Variants in ZNF804B observed in about 807,000 individuals in gnomAD.
ZNF804B encodes the protein zinc finger 804B.
A neutral mutation model predicts 101.4 loss-of-function variants in ZNF804B; 80 were observed. The ratio of observed to expected loss-of-function variants is 0.79; its 90% CI spans 0.66 to 0.95. The LOEUF is 0.95. Among genes scored for constraint, ZNF804B ranks in the 40% least tolerant of loss-of-function variants. The pLI is 0.00. For synonymous variants in ZNF804B, 622 were observed against 558.8 expected (o/e 1.11, Z -1.59); for missense variants, 1,673 against 1,561.9 (o/e 1.07, Z -1.20).
rs147363581 is a variant in ZNF804B at position 88,803,157 on chromosome 7, G to GA, written c.108+43082dup. On this transcript the variant is annotated intron_variant, in intron 1 of 3. Coordinates refer to ENST00000333190, the MANE Select transcript of ZNF804B (RefSeq NM_181646.5). Reference sequence around the variant, plus strand: ...AAGTGTGTCTATGTTATTATGTTCAGAAAAAAAAACGTTAAAAAATAAGGC... The same window carrying GA: ...AAGTGTGTCTATGTTATTATGTTCAGAAAAAAAAAACGTTAAAAAATAAGGC... Among the ~76,000 whole-genome samples, 438 of 149,502 alleles carry GA rather than the reference G, an allele frequency of 2.9e-3. 2 individuals are homozygous for GA. The highest frequency in any genetic ancestry group is 8.0e-3 in the African/African-American group (326 of 40,762).
chr7:89,222,730 T>C (rs1257934415), intron 2 of ZNF804B, among the ~76,000 whole-genome samples: 1 of 151,928 alleles, frequency 6.6e-6, no homozygotes, highest in African/African-American at 2.4e-5. Flanking sequence ...ATGCAGAAAT[T>C]GACAACTTAT....
intron 1 of ZNF804B, among the ~76,000 whole-genome samples, chr7:89,124,247 G>T (rs1366886921): frequency 6.6e-6 from 1 of 152,000 alleles, no homozygotes; most frequent in Non-Finnish European, 1.5e-5. Context: ...TCTTGAAAAA[G>T]ATTCAAAGCC....
chr7:88,904,998 G>A (rs1476985787), intron 1 of ZNF804B, among the ~76,000 whole-genome samples: 2 of 152,316 alleles, frequency 1.3e-5, no homozygotes, highest in Admixed American at 6.5e-5. Flanking sequence ...AATAGGAGTG[G>A]TGAGAGTAGG....
In ZNF804B at chr7:88,951,346, G is replaced by A. The variant is rs1793215640; in HGVS notation, c.108+191262G>A. On this transcript the variant is annotated intron_variant, in intron 1 of 3. Transcript: ENST00000333190. Reference sequence around the variant, plus strand: ...ATTTTGTATTAATATAGAACCATTGGTCAGTAATTATGCTGAATATGATTT... The same window carrying A: ...ATTTTGTATTAATATAGAACCATTGATCAGTAATTATGCTGAATATGATTT... Among the ~76,000 whole-genome samples the A allele has an allele frequency of 2.6e-5, 4 of 151,662 alleles. No individual in the cohort carries two copies. In the South Asian group the frequency reaches 8.3e-4, roughly 31 times the overall value.
At chr7:88,809,339 CT>C in intron 1 of ZNF804B, among the ~76,000 whole-genome samples, 1 of 147,708 alleles carries the variant, frequency 6.8e-6, no homozygotes, top group African/African-American at 2.5e-5. Flanking sequence ...ATCTATCTAT[CT>C]ATCTATCTAT....
At chr7:89,050,785 A>G (rs999298794) in intron 1 of ZNF804B, among the ~76,000 whole-genome samples, 1 of 152,144 alleles carries the variant, frequency 6.6e-6, no homozygotes, top group African/African-American at 2.4e-5. Flanking sequence ...GATAGAGATG[A>G]ACAGAGAAAA....
chr7:89,222,409 C>A (rs1343525396), intron 2 of ZNF804B, among the ~76,000 whole-genome samples: 5 of 151,930 alleles, frequency 3.3e-5, no homozygotes, highest in African/African-American at 1.2e-4. Flanking sequence ...CCACACCAAT[C>A]CATCCACTTA....
At chr7:89,035,916 TATATAATATATTA>T (rs1159763046) in intron 1 of ZNF804B, among the ~76,000 whole-genome samples, 2 of 145,082 alleles carry the variant, frequency 1.4e-5, no homozygotes, top group Non-Finnish European at 3.0e-5. Context: ...TTATATATTA[TATATAATATATTA>T]ATATATTATA....
At chr7:88,960,761 GA>G (rs1793376376) in intron 1 of ZNF804B, among the ~76,000 whole-genome samples, 1 of 151,158 alleles carries the variant, frequency 6.6e-6, no homozygotes, top group South Asian at 2.1e-4. Flanking sequence ...ATGTTTTGTT[GA>G]AAAATTACTT....
At chr7:89,181,545 G>A (rs13223734) in intron 1 of ZNF804B, among the ~76,000 whole-genome samples, 24,712 of 152,064 alleles carry the variant, frequency 0.16, 2,221 homozygotes, top group Middle Eastern at 0.28. Flanking sequence ...TTATTTCTTC[G>A]TGCCATGCAG....
intron 2 of ZNF804B, among the ~76,000 whole-genome samples, chr7:89,322,094 A>C (rs991002057): frequency 6.6e-6 from 1 of 152,182 alleles, no homozygotes; most frequent in Non-Finnish European, 1.5e-5. Context: ...GGAACTATGG[A>C]CCAATCACAA....
intron 1 of ZNF804B, among the ~76,000 whole-genome samples, chr7:89,178,772 T>A (rs1324507910): frequency 6.6e-6 from 1 of 152,132 alleles, no homozygotes; most frequent in Non-Finnish European, 1.5e-5. Context: ...CTTTTTGCAT[T>A]TAAAAGATTT....
chr7:89,158,103 G>A (rs761327676), intron 1 of ZNF804B, among the ~76,000 whole-genome samples: 3 of 151,936 alleles, frequency 2.0e-5, no homozygotes, highest in African/African-American at 7.3e-5. Flanking sequence ...TTAAATTGGG[G>A]CTTAACAAAA....
intron 1 of ZNF804B, among the ~76,000 whole-genome samples, chr7:89,215,157 G>A (rs1788871003): frequency 1.3e-5 from 2 of 152,148 alleles, no homozygotes; most frequent in South Asian, 4.1e-4. Context: ...AGAAAGATAA[G>A]AATATCTGCA....
chr7:88,850,419 A>G (rs1266525519), intron 1 of ZNF804B, among the ~76,000 whole-genome samples: 2 of 152,174 alleles, frequency 1.3e-5, no homozygotes, highest in African/African-American at 4.8e-5. Flanking sequence ...TCCCGTGATT[A>G]TTCAGTAGAG....
intron 1 of ZNF804B, among the ~76,000 whole-genome samples, chr7:88,937,719 A>C (rs1199275289): frequency 6.6e-6 from 1 of 152,092 alleles, no homozygotes; most frequent in Non-Finnish European, 1.5e-5. Context: ...GTGGCAAACA[A>C]TGTTTTCAGA....
intron 1 of ZNF804B, among the ~76,000 whole-genome samples, chr7:88,764,860 C>T (rs1433060371): frequency 6.6e-6 from 1 of 152,110 alleles, no homozygotes; most frequent in African/African-American, 2.4e-5. Context: ...TTCATGAATG[C>T]ATAATACTAC....
chr7:88,789,280 A>G (rs2115678934), intron 1 of ZNF804B, among the ~76,000 whole-genome samples: 1 of 152,256 alleles, frequency 6.6e-6, no homozygotes, highest in South Asian at 2.1e-4. Flanking sequence ...TTCTAAACTA[A>G]TGAGAAAAAG....
chr7:88,945,634 A>G (rs11978498), intron 1 of ZNF804B, among the ~76,000 whole-genome samples: 15,581 of 148,630 alleles, frequency 0.1, 870 homozygotes, highest in South Asian at 0.18. Context: ...AAGAAAGTCA[A>G]TGGTAGCTTG....
Sources: allele counts gnomAD v4.1 joint callset (sites outside exome capture counted in the v4.1 genomes callset), GRCh38; gene constraint gnomAD v4.1.1; transcripts MANE v1.5; gene names NCBI Gene and HGNC (gene_info 2026-07-23, HGNC 2026-07-21).